The following NALF1 variants were observed in gnomAD, a reference collection of about 807,000 sequenced individuals.
The protein encoded by NALF1 is family with sequence similarity 155 member A.
NALF1 carries 3 observed loss-of-function variants against 48.4 expected under a neutral mutation model. The ratio of observed to expected loss-of-function variants is 0.06; its 90% CI spans 0.03 to 0.16. The LOEUF is 0.16. NALF1 is among the 10% of genes least tolerant of loss of function. NALF1 has a pLI of 1.00. For missense variants in NALF1, 526 were observed against 571.5 expected, an observed-to-expected ratio of 0.92 and a Z score of 0.81; for synonymous variants, 262 against 245.7, an observed-to-expected ratio of 1.07 and a Z score of -0.62.
chr13:107,176,021 C>A (rs925216582), intron 2 of NALF1, among the ~76,000 whole-genome samples: 2 of 152,120 alleles, frequency 1.3e-5, no homozygotes, highest in Non-Finnish European at 2.9e-5. Context: ...CCCGCAAAAA[C>A]CACCTGCACA....
chr13:107,238,212 CAACCCATGG>C (rs1487223922), intron 1 of NALF1, among the ~76,000 whole-genome samples: 2 of 152,172 alleles, frequency 1.3e-5, no homozygotes, highest in Admixed American at 1.3e-4. Context: ...TGGTGCAGCA[CAACCCATGG>C]AGGGTGTGAA....
intron 1 of NALF1, among the ~76,000 whole-genome samples, chr13:107,702,503 T>C: frequency 7.5e-6 from 1 of 133,692 alleles, no homozygotes; most frequent in South Asian, 2.3e-4. Flanking sequence ...TAGTTTATTG[T>C]TTAAGAAGTT....
chr13:107,449,105 G>C (rs145366841), intron 1 of NALF1, among the ~76,000 whole-genome samples: 1 of 152,300 alleles, frequency 6.6e-6, no homozygotes, highest in African/African-American at 2.4e-5. Flanking sequence ...TTAGCTGGGC[G>C]TGATGGTGGG....
intron 2 of NALF1, among the ~76,000 whole-genome samples, chr13:107,190,424 T>C (rs1879257719): frequency 1.3e-5 from 2 of 152,190 alleles, no homozygotes; most frequent in African/African-American, 2.4e-5. Flanking sequence ...TGTAAACACC[T>C]CATAAATAGA....
At chr13:107,295,936 A>C (rs1051956300) in intron 1 of NALF1, among the ~76,000 whole-genome samples, 1 of 152,186 alleles carries the variant, frequency 6.6e-6, no homozygotes, top group South Asian at 2.1e-4. Flanking sequence ...TGTCAGTGTA[A>C]ATTCTGACTG....
At chr13:107,574,657 C>T (rs113979703) in intron 1 of NALF1, among the ~76,000 whole-genome samples, 2 of 152,238 alleles carry the variant, frequency 1.3e-5, no homozygotes. Context: ...ATTGAGTGAC[C>T]TGTTGGTAGC....
intron 1 of NALF1, among the ~76,000 whole-genome samples, chr13:107,514,657 T>C (rs907577099): frequency 5.9e-5 from 9 of 152,180 alleles, no homozygotes; most frequent in Non-Finnish European, 8.8e-5. Flanking sequence ...CATGGAAGTA[T>C]AGAATAAATT....
At chr13:107,768,672 C>T (rs1400847019) in intron 1 of NALF1, among the ~76,000 whole-genome samples, 1 of 152,062 alleles carries the variant, frequency 6.6e-6, no homozygotes, top group Non-Finnish European at 1.5e-5. Flanking sequence ...CAAAGTAATA[C>T]TACCAATAAC....
intron 1 of NALF1, among the ~76,000 whole-genome samples, chr13:107,483,659 G>A (rs1885286284): frequency 6.6e-6 from 1 of 151,968 alleles, no homozygotes. Flanking sequence ...TTGAACCACT[G>A]ACTCTTATTA....
At chr13:107,743,935 G>C (rs980808994) in intron 1 of NALF1, among the ~76,000 whole-genome samples, 9 of 152,264 alleles carry the variant, frequency 5.9e-5, no homozygotes, top group Middle Eastern at 3.4e-3. Context: ...TGATCCTTTA[G>C]TTATGCAAAA....
At chr13:107,207,851 C>T (rs1043114032) in intron 2 of NALF1, among the ~76,000 whole-genome samples, 1 of 152,102 alleles carries the variant, frequency 6.6e-6, no homozygotes, top group African/African-American at 2.4e-5. Context: ...CAGGGTCTTG[C>T]TACGTTGTCC....
At chr13:107,674,084 ATAGATTTTAATATC>A (rs922819840) in intron 1 of NALF1, among the ~76,000 whole-genome samples, 2 of 152,034 alleles carry the variant, frequency 1.3e-5, no homozygotes, top group Non-Finnish European at 2.9e-5. Flanking sequence ...AAGTTCCAGC[ATAGATTTTAATATC>A]TAATCTGATT....
intron 1 of NALF1, among the ~76,000 whole-genome samples, chr13:107,837,771 T>C (rs554983689): frequency 4.0e-4 from 61 of 152,194 alleles, no homozygotes; most frequent in African/African-American, 1.4e-3. Flanking sequence ...AAAAGACATT[T>C]GACGAGGATG....
intron 1 of NALF1, among the ~76,000 whole-genome samples, chr13:107,509,722 T>C (rs1192598326): frequency 2.6e-5 from 4 of 152,158 alleles, no homozygotes; most frequent in Non-Finnish European, 5.9e-5. Flanking sequence ...CTTATAACTG[T>C]CAGATTATAA....
chr13:107,798,489 CTTCCCTTATCAATCTCTTCTTTCT>C (rs1377488710), intron 1 of NALF1, among the ~76,000 whole-genome samples: 3 of 152,076 alleles, frequency 2.0e-5, no homozygotes, highest in Non-Finnish European at 4.4e-5. Context: ...CTCTTCTTTC[CTTCCCTTATCAATCTCTTCTTTCT>C]TTCCCTATCA....
At chr13:107,582,914 G>C (rs1878355294) in intron 1 of NALF1, among the ~76,000 whole-genome samples, 1 of 152,068 alleles carries the variant, frequency 6.6e-6, no homozygotes, top group Non-Finnish European at 1.5e-5. Context: ...TCTCACCTGG[G>C]TTTTGCTGTT....
chr13:107,579,248 C>T (rs1217991856), intron 1 of NALF1, among the ~76,000 whole-genome samples: 10 of 152,268 alleles, frequency 6.6e-5, no homozygotes, highest in South Asian at 4.1e-4. Context: ...CACGCCACCA[C>T]GCCCAGCTCA....
intron 1 of NALF1, among the ~76,000 whole-genome samples, chr13:107,650,890 G>A (rs1880435480): frequency 6.6e-6 from 1 of 151,840 alleles, no homozygotes; most frequent in Non-Finnish European, 1.5e-5. Flanking sequence ...TATGAACACA[G>A]AGAAGGAAAT....
intron 1 of NALF1, among the ~76,000 whole-genome samples, chr13:107,647,350 G>C (rs1880340063): frequency 6.6e-6 from 1 of 151,464 alleles, no homozygotes; most frequent in South Asian, 2.1e-4. Flanking sequence ...ATACAGACAA[G>C]ATGCATTTTC....
Sources: allele counts gnomAD v4.1 joint callset (sites outside exome capture counted in the v4.1 genomes callset), GRCh38; gene constraint gnomAD v4.1.1; transcripts MANE v1.5; gene names NCBI Gene and HGNC (gene_info 2026-07-23, HGNC 2026-07-21).